PLOD2: variants seen among roughly 807,000 people sequenced by gnomAD.
PLOD2 encodes procollagen-lysine,2-oxoglutarate 5-dioxygenase 2, also known as lysine hydroxylase 2.
Under a neutral mutation model 101.0 loss-of-function variants are expected in PLOD2, and 65 were observed. That is an observed-to-expected ratio of 0.64 (90% CI 0.53 to 0.79). PLOD2 has a LOEUF of 0.79. Ranked by LOEUF, PLOD2 falls within the 30% of genes least tolerant of loss-of-function variation. The pLI, the probability that PLOD2 is intolerant of heterozygous loss-of-function variation, is 0.00. For synonymous variants in PLOD2, 314 were observed against 302.9 expected, an observed-to-expected ratio of 1.04 and a Z score of -0.38; for missense variants, 909 against 914.6, an observed-to-expected ratio of 0.99 and a Z score of 0.08.
intron 9 of PLOD2, among the ~76,000 whole-genome samples, chr3:146,088,039 T>C (rs1052476160): frequency 2.0e-5 from 3 of 151,696 alleles, no homozygotes; most frequent in African/African-American, 7.2e-5. Context: ...GAAATAACTG[T>C]AAAAATACTG....
At chr3:146,132,393 T>C (rs930430842) in intron 1 of PLOD2, among the ~76,000 whole-genome samples, 6 of 152,092 alleles carry the variant, frequency 3.9e-5, no homozygotes, top group Admixed American at 2.0e-4. Flanking sequence ...AAATAAACTC[T>C]TCTAGAACCA....
chr3:146,149,582 T>TA lies in PLOD2; in HGVS notation c.109+11298dup, dbSNP rs544702066. ...GTTTAAAATGTAATACTTCATTTTT[T>TA]AAAAAAATATGTTTATGCTTGAGGA... is the stretch of plus-strand genomic sequence containing the variant. On this transcript the variant is annotated intron_variant, in intron 1 of 19. Coordinates refer to ENST00000282903, the MANE Select transcript of PLOD2 (RefSeq NM_182943.3). Among the ~76,000 whole-genome samples, 648 of 152,250 alleles carry TA rather than the reference T, an allele frequency of 4.3e-3. 3 individuals are homozygous for TA. Among genetic ancestry groups the TA allele is most frequent in the Non-Finnish European group, 7.2e-3 (492 of 68,018 alleles).
At chr3:146,080,538 A>C (rs1936501751) in intron 12 of PLOD2, among the ~76,000 whole-genome samples, 1 of 152,010 alleles carries the variant, frequency 6.6e-6, no homozygotes, top group Non-Finnish European at 1.5e-5. Flanking sequence ...ACACACACAC[A>C]GTTGCTCCTT....
At chr3:146,119,759 A>G (rs2029926192) in intron 3 of PLOD2, among the ~76,000 whole-genome samples, 1 of 152,134 alleles carries the variant, frequency 6.6e-6, no homozygotes, top group Admixed American at 6.5e-5. Context: ...ATGTCCCTAC[A>G]AAGGACATGA....
chr3:146,129,298 T>C (rs79158793), intron 1 of PLOD2, among the ~76,000 whole-genome samples: 1 of 152,176 alleles, frequency 6.6e-6, no homozygotes, highest in African/African-American at 2.4e-5. Context: ...TTTGATTTTT[T>C]CCTTATTTTT....
At chr3:146,105,467 C>G (rs1937520281) in intron 5 of PLOD2, among the ~76,000 whole-genome samples, 1 of 152,170 alleles carries the variant, frequency 6.6e-6, no homozygotes, top group Non-Finnish European at 1.5e-5. Context: ...GAACAATGAC[C>G]AGGGCTTTTG....
chr3:146,111,823 T>G (rs1937645801), intron 3 of PLOD2, among the ~76,000 whole-genome samples: 1 of 150,252 alleles, frequency 6.7e-6, no homozygotes, highest in Admixed American at 6.7e-5. Context: ...GATATTTTCC[T>G]CAAGACTATA....
intron 1 of PLOD2, among the ~76,000 whole-genome samples, chr3:146,142,233 T>A (rs1219436295): frequency 2.0e-5 from 3 of 152,176 alleles, no homozygotes; most frequent in Non-Finnish European, 2.9e-5. Flanking sequence ...CTAGTTTTTT[T>A]ATTCAGATTT....
chr3:146,112,865 C>T (rs78049086), intron 3 of PLOD2, among the ~76,000 whole-genome samples: 2 of 44,548 alleles, frequency 4.5e-5, no homozygotes, highest in Non-Finnish European at 9.2e-5. Flanking sequence ...AAAAAAAAAA[C>T]AAAACTCTAG....
chr3:146,091,968 T>A, intron 7 of PLOD2, 67 bp from the exon 8 acceptor site: 1 of 807,210 alleles, frequency 1.2e-6, no homozygotes, highest in South Asian at 1.4e-5. Flanking sequence ...CATTCTATAA[T>A]CATCTAATTT....
At position 146,070,591 on chromosome 3, in the gene PLOD2, C is replaced by T; in HGVS notation, c.*126G>A. ...TAAAAAGTTTTTCAAATGTTTGGCCCAAAGTGAAGTTGTTCTGTTGATGTT... is the reference window on the plus strand; with the variant it reads ...TAAAAAGTTTTTCAAATGTTTGGCCTAAAGTGAAGTTGTTCTGTTGATGTT... On this transcript the variant is annotated 3_prime_UTR_variant, in exon 20 of 20. Transcript: ENST00000282903. The T allele has an allele frequency of 1.6e-6, 1 of 615,332 alleles. No homozygotes were observed. Among genetic ancestry groups the T allele is most frequent in the Non-Finnish European group, 2.8e-6 (1 of 355,592 alleles). 38.1% of individuals were successfully genotyped at this position (615,332 alleles called of 1,614,324 possible).
intron 1 of PLOD2, among the ~76,000 whole-genome samples, chr3:146,124,738 T>C (rs772226039): frequency 5.9e-5 from 9 of 152,114 alleles, no homozygotes; most frequent in Non-Finnish European, 1.0e-4. Context: ...AGCAAATATT[T>C]AAAACAAAAT....
At chr3:146,103,552 T>C (rs71621137) in intron 6 of PLOD2, among the ~76,000 whole-genome samples, 4,175 of 151,778 alleles carry the variant, frequency 0.028, 106 homozygotes, top group South Asian at 0.039. Context: ...CTCGAACTCC[T>C]GGGATCAATC....
chr3:146,119,258 T>A (rs952166523), intron 3 of PLOD2, among the ~76,000 whole-genome samples: 5 of 152,072 alleles, frequency 3.3e-5, no homozygotes, highest in African/African-American at 1.2e-4. Context: ...TCTGCCATGA[T>A]CCTAAGTTTC....
intron 7 of PLOD2, among the ~76,000 whole-genome samples, chr3:146,094,886 G>A (rs561521985): frequency 2.0e-5 from 3 of 152,180 alleles, no homozygotes; most frequent in South Asian, 2.1e-4. Context: ...TAGACCAATG[G>A]AACAGAACAG....
chr3:146,156,975 T>A (rs1422796960), intron 1 of PLOD2, among the ~76,000 whole-genome samples: 1 of 152,208 alleles, frequency 6.6e-6, no homozygotes, highest in Non-Finnish European at 1.5e-5. Context: ...CCACTTTGTA[T>A]TGAGTAAAGC....
At chr3:146,094,330 CAAATT>C (rs1407678132) in intron 7 of PLOD2, among the ~76,000 whole-genome samples, 1 of 152,150 alleles carries the variant, frequency 6.6e-6, no homozygotes, top group Non-Finnish European at 1.5e-5. Context: ...TATTACAAAT[CAAATT>C]AGTTTCAGAA....
At chr3:146,128,068 T>G (rs1458509081) in intron 1 of PLOD2, among the ~76,000 whole-genome samples, 1 of 152,166 alleles carries the variant, frequency 6.6e-6, no homozygotes. Flanking sequence ...ATGTAAATCT[T>G]TTAGCAGACT....
At chr3:146,159,648 T>A (rs1381440284) in intron 1 of PLOD2, among the ~76,000 whole-genome samples, 1 of 152,214 alleles carries the variant, frequency 6.6e-6, no homozygotes, top group African/African-American at 2.4e-5. Flanking sequence ...AGAAGAAATA[T>A]TTTTAAATTA....
Sources: allele counts gnomAD v4.1 joint callset (sites outside exome capture counted in the v4.1 genomes callset), GRCh38; gene constraint gnomAD v4.1.1; transcripts MANE v1.5; gene names NCBI Gene and HGNC (gene_info 2026-07-23, HGNC 2026-07-21).